WDR70: variants seen among roughly 807,000 people sequenced by gnomAD.
WDR70 encodes WD repeat domain 70, also known as WD repeat-containing protein 70.
In WDR70, 53 loss-of-function variants were observed where a neutral mutation model predicts 88.6. The ratio of observed to expected loss-of-function variants is 0.60; its 90% CI spans 0.48 to 0.75. The LOEUF is 0.75. WDR70 is among the 30% of genes least tolerant of loss of function. The pLI, the probability that WDR70 is intolerant of heterozygous loss-of-function variation, is 0.00. For synonymous variants in WDR70, 280 were observed against 270.0 expected, an observed-to-expected ratio of 1.04 and a Z score of -0.36; for missense variants, 610 against 823.2, an observed-to-expected ratio of 0.74 and a Z score of 3.17.
intron 9 of WDR70, among the ~76,000 whole-genome samples, chr5:37,556,723 G>A (rs143826547): frequency 5.3e-5 from 8 of 152,296 alleles, no homozygotes; most frequent in African/African-American, 1.7e-4. Context: ...AATAGGGAAG[G>A]GTGGGCTGGT....
intron 10 of WDR70, among the ~76,000 whole-genome samples, chr5:37,689,413 A>T (rs1226614245): frequency 6.6e-6 from 1 of 152,158 alleles, no homozygotes; most frequent in African/African-American, 2.4e-5. Context: ...GTGTAGCCTA[A>T]CTGGGAGACA....
At chr5:37,403,974 C>G (rs1749277316) in intron 5 of WDR70, among the ~76,000 whole-genome samples, 1 of 152,118 alleles carries the variant, frequency 6.6e-6, no homozygotes, top group Non-Finnish European at 1.5e-5. Context: ...CTCTTGGCCT[C>G]AAGTGATCCT....
chr5:37,633,029 A>G (rs1744861783), intron 10 of WDR70, among the ~76,000 whole-genome samples: 1 of 152,194 alleles, frequency 6.6e-6, no homozygotes. Context: ...TGTAGTACTC[A>G]GTATAGTAAT....
chr5:37,531,760 G>A (rs13162643), intron 9 of WDR70, among the ~76,000 whole-genome samples: 1 of 151,170 alleles, frequency 6.6e-6, no homozygotes, highest in Non-Finnish European at 1.5e-5. Flanking sequence ...TACGTTCAAT[G>A]TTATTATTGA....
chr5:37,727,152 C>A, intron 17 of WDR70, 107 bp downstream of exon 17: 1 of 1,357,418 alleles, frequency 7.4e-7, no homozygotes, highest in African/African-American at 1.5e-5. Flanking sequence ...TTATTTCATA[C>A]TTAGATATGA....
At chr5:37,514,607 C>T (rs10070546) in intron 8 of WDR70, among the ~76,000 whole-genome samples, 3 of 151,618 alleles carry the variant, frequency 2.0e-5, no homozygotes, top group Admixed American at 6.6e-5. Context: ...TCCATGTGTT[C>T]TTATCGTTCA....
At chr5:37,646,346 G>A (rs1338715977) in intron 10 of WDR70, among the ~76,000 whole-genome samples, 4 of 151,852 alleles carry the variant, frequency 2.6e-5, no homozygotes, top group Admixed American at 1.3e-4. Flanking sequence ...TTGAAGAATT[G>A]TTTTTGTTAT....
At chr5:37,707,686 A>T (rs901968897) in intron 13 of WDR70, among the ~76,000 whole-genome samples, 2 of 151,644 alleles carry the variant, frequency 1.3e-5, no homozygotes, top group African/African-American at 4.8e-5. Flanking sequence ...AGGCCAAGGC[A>T]GGTGGATCAC....
At chr5:37,481,102 C>T (rs573923734) in intron 8 of WDR70, among the ~76,000 whole-genome samples, 28 of 152,204 alleles carry the variant, frequency 1.8e-4, no homozygotes, top group Non-Finnish European at 3.2e-4. Context: ...TGGGCAGCCC[C>T]GCCCCTGTGG....
At chr5:37,648,955 T>G (rs1745317003) in intron 10 of WDR70, among the ~76,000 whole-genome samples, 1 of 152,224 alleles carries the variant, frequency 6.6e-6, no homozygotes, top group South Asian at 2.1e-4. Context: ...TCACTGATTT[T>G]CAAAATGATC....
chr5:37,551,708 A>G (rs1742149028), intron 9 of WDR70, among the ~76,000 whole-genome samples: 1 of 148,292 alleles, frequency 6.7e-6, no homozygotes, highest in Non-Finnish European at 1.5e-5. Context: ...AGCCTGGGTG[A>G]GAAAGTGAGA....
chr5:37,511,598 A>G (rs1024046173), intron 8 of WDR70, among the ~76,000 whole-genome samples: 1 of 152,204 alleles, frequency 6.6e-6, no homozygotes, highest in African/African-American at 2.4e-5. Context: ...GGAATATATT[A>G]CTTCTAGACA....
At chr5:37,460,700 C>A (rs112687667) in intron 7 of WDR70, among the ~76,000 whole-genome samples, 9 of 133,266 alleles carry the variant, frequency 6.8e-5, no homozygotes, top group African/African-American at 1.1e-4. Context: ...TAAAAAAAAA[C>A]ATTAAAAATA....
chr5:37,556,021 T>C (rs1182501836), intron 9 of WDR70, among the ~76,000 whole-genome samples: 1 of 152,146 alleles, frequency 6.6e-6, no homozygotes, highest in African/African-American at 2.4e-5. Context: ...ACCCAGCCAA[T>C]GTTCAGTTTT....
At chr5:37,734,536 G>T (rs1379017215) in intron 17 of WDR70, among the ~76,000 whole-genome samples, 1 of 151,962 alleles carries the variant, frequency 6.6e-6, no homozygotes, top group African/African-American at 2.4e-5. Flanking sequence ...ATATTAAATG[G>T]TAATAATGCT....
At chr5:37,565,521 C>A (rs1038155418) in intron 9 of WDR70, among the ~76,000 whole-genome samples, 6 of 152,014 alleles carry the variant, frequency 3.9e-5, no homozygotes, top group South Asian at 2.1e-4. Context: ...GAGCTGTAGT[C>A]ATTTATCGTT....
chr5:37,408,940 T>C (rs776715442), intron 5 of WDR70, among the ~76,000 whole-genome samples: 3 of 152,150 alleles, frequency 2.0e-5, no homozygotes, highest in Non-Finnish European at 2.9e-5. Context: ...ATGAATTTCA[T>C]TTTTATTATT....
chr5:37,728,814 T>C (rs1004133576), intron 17 of WDR70, among the ~76,000 whole-genome samples: 6 of 152,178 alleles, frequency 3.9e-5, no homozygotes, highest in Non-Finnish European at 7.4e-5. Context: ...TGCTGTCTAA[T>C]TTTATCATCC....
intron 14 of WDR70, 154 bp from the exon 15 acceptor site, chr5:37,722,701 G>A (rs1747856858): frequency 3.1e-6 from 2 of 647,892 alleles, no homozygotes; most frequent in Non-Finnish European, 5.4e-6. Flanking sequence ...TTATCACTGA[G>A]AGCCCATCTG....
Sources: gnomAD v4.1 joint callset for allele counts (sites outside exome capture counted in the v4.1 genomes callset) on GRCh38, gnomAD v4.1.1 for gene constraint, MANE v1.5 for transcripts, NCBI Gene and HGNC (gene_info 2026-07-23, HGNC 2026-07-21) for gene names.